Variants in TMEM232 observed in about 807,000 individuals in gnomAD.
TMEM232 encodes transmembrane protein 232.
In TMEM232, 80 loss-of-function variants were observed where a neutral mutation model predicts 78.8. The observed-to-expected ratio is 1.01, with a 90% CI of 0.85 to 1.22. The LOEUF (loss-of-function observed/expected upper bound fraction) is 1.22. Among genes scored for constraint, TMEM232 ranks in the 50% most tolerant of loss-of-function variants. The pLI is 0.00. For missense variants in TMEM232, 881 were observed against 742.2 expected, an observed-to-expected ratio of 1.19 and a Z score of -2.17; for synonymous variants, 297 against 254.3, an observed-to-expected ratio of 1.17 and a Z score of -1.60.
chr5:110,457,601 C>T (rs887986501), intron 12 of TMEM232, among the ~76,000 whole-genome samples: 1 of 151,818 alleles, frequency 6.6e-6, no homozygotes, highest in Non-Finnish European at 1.5e-5. Context: ...AATCAAATGT[C>T]CTTGAATTGA....
At chr5:110,616,286 T>C (rs368971128) in intron 8 of TMEM232, among the ~76,000 whole-genome samples, 2 of 152,066 alleles carry the variant, frequency 1.3e-5, no homozygotes, top group South Asian at 4.1e-4. Context: ...TCAATTCATT[T>C]TTGACAGTTA....
intron 2 of TMEM232, among the ~76,000 whole-genome samples, chr5:110,399,448 T>C (rs185418662): frequency 1.3e-5 from 2 of 152,250 alleles, no homozygotes; most frequent in Admixed American, 6.5e-5. Context: ...CTTAATCCCT[T>C]TGGGAGACAA....
chr5:110,458,005 A>G (rs1761079179), intron 12 of TMEM232, among the ~76,000 whole-genome samples: 2 of 152,070 alleles, frequency 1.3e-5, no homozygotes, highest in South Asian at 4.1e-4. Flanking sequence ...TTTTTCATCA[A>G]TTATATATTT....
chr5:110,704,187 T>C (rs578045905), intron 1 of TMEM232, among the ~76,000 whole-genome samples: 96 of 152,268 alleles, frequency 6.3e-4, no homozygotes, highest in Non-Finnish European at 1.2e-3. Context: ...GGACTATGTT[T>C]ATTGGAAGAG....
chr5:110,425,410 A>G (rs557760371), intron 12 of TMEM232, among the ~76,000 whole-genome samples: 6 of 152,068 alleles, frequency 3.9e-5, no homozygotes, highest in Admixed American at 1.3e-4. Context: ...TTATGAAGAA[A>G]TTGTGTGAAT....
At position 110,606,175 on chromosome 5, in the gene TMEM232, C is replaced by T. The variant is rs999395040; in HGVS notation, c.1015G>A (p.Val339Ile). The T allele has an allele frequency of 4.6e-6, 7 of 1,538,212 alleles. No individual in the cohort carries two copies. The African/African-American group carries it at 8.2e-5, about 18-fold the overall frequency. Residue 339 changes from valine to isoleucine, a missense_variant, in exon 9 of 14, where the codon GTT (valine) becomes ATT (isoleucine). Val to Ile is a conservative substitution (Grantham distance 29). Coordinates refer to ENST00000455884, the MANE Select transcript of TMEM232 (RefSeq NM_001039763.4). ...ATTAGCAATGTTACCTGATTTTGAA[C>T]AGACATAATGCTTGAAACAAAATCT... ...VRDFVSSIMS[V>I]QNQEESCKVD...
intron 12 of TMEM232, among the ~76,000 whole-genome samples, chr5:110,438,652 C>A (rs933913101): frequency 3.9e-5 from 6 of 151,972 alleles, no homozygotes; most frequent in African/African-American, 9.7e-5. Flanking sequence ...GAAACCAAGA[C>A]CAGAAGTCAG....
chr5:110,605,664 C>A (rs369573591), intron 9 of TMEM232, among the ~76,000 whole-genome samples: 2 of 152,188 alleles, frequency 1.3e-5, no homozygotes, highest in African/African-American at 4.8e-5. Context: ...ATATACAACT[C>A]CATTCTAGTG....
chr5:110,459,104 A>G (rs1156419040), intron 12 of TMEM232, among the ~76,000 whole-genome samples: 5 of 152,158 alleles, frequency 3.3e-5, no homozygotes. Context: ...TTTCTTTACC[A>G]GCCTTGTTAT....
chr5:110,578,395 A>G (rs879753291), intron 10 of TMEM232, among the ~76,000 whole-genome samples: 19 of 152,050 alleles, frequency 1.2e-4, no homozygotes, highest in African/African-American at 4.6e-4. Flanking sequence ...ACATTATGTT[A>G]CATGCAAAAC....
intron 1 of TMEM232, among the ~76,000 whole-genome samples, chr5:110,669,994 A>C (rs1256979347): frequency 6.6e-6 from 1 of 152,178 alleles, no homozygotes; most frequent in Non-Finnish European, 1.5e-5. Flanking sequence ...AAATAATAAG[A>C]GCTATCTATG....
chr5:110,495,007 A>G (rs1228651654), intron 12 of TMEM232, among the ~76,000 whole-genome samples: 4 of 151,742 alleles, frequency 2.6e-5, no homozygotes, highest in Admixed American at 2.0e-4. Context: ...TGAAAGCAGT[A>G]GGAGAATGGA....
Position 110,642,323 on chromosome 5 carries a change from T to C in TMEM232, c.174A>G (p.Thr58=), listed in dbSNP as rs944828170. Residue 58 remains threonine, a synonymous_variant, in exon 3 of 14, where the codon ACA becomes ACG. Transcript: ENST00000455884. ...TKEFILRFNQ[T]QNSKEKEELL... ...ATTCTTCCTTCTCTTTGGAATTTTG[T>C]GTTTGATTGAATCTCAAGATGAATT... 2 of 1,540,114 alleles carry C rather than the reference T, an allele frequency of 1.3e-6. No individual in the cohort carries two copies. Among genetic ancestry groups the C allele is most frequent in the African/African-American group, 2.8e-5 (2 of 72,358 alleles).
At chr5:110,440,693 A>T (rs1273030842) in intron 12 of TMEM232, among the ~76,000 whole-genome samples, 1 of 152,158 alleles carries the variant, frequency 6.6e-6, no homozygotes, top group Non-Finnish European at 1.5e-5. Flanking sequence ...TATTTGAAGA[A>T]CTAGGCATAT....
intron 12 of TMEM232, among the ~76,000 whole-genome samples, chr5:110,508,829 C>G (rs1272139714): frequency 5.5e-5 from 8 of 145,770 alleles, no homozygotes; most frequent in Non-Finnish European, 1.0e-4. Context: ...CACAATGCCA[C>G]TGCTAATTAT....
intron 2 of TMEM232, among the ~76,000 whole-genome samples, chr5:110,665,291 T>G (rs913324412): frequency 6.6e-6 from 1 of 152,286 alleles, no homozygotes; most frequent in East Asian, 1.9e-4. Context: ...TTTTAAAACG[T>G]GTTCCATGAG....
intron 1 of TMEM232, among the ~76,000 whole-genome samples, chr5:110,724,905 A>C (rs1798002706): frequency 6.6e-6 from 1 of 152,194 alleles, no homozygotes; most frequent in Admixed American, 6.5e-5. Flanking sequence ...TAGTAATCCT[A>C]AAGTCGATAT....
At chr5:110,641,654 G>A (rs1400969598) in intron 3 of TMEM232, among the ~76,000 whole-genome samples, 1 of 152,040 alleles carries the variant, frequency 6.6e-6, no homozygotes, top group Non-Finnish European at 1.5e-5. Flanking sequence ...CCACAAAAAA[G>A]GTGGCTTAAT....
chr5:110,572,840 T>C (rs1330269744), intron 10 of TMEM232, among the ~76,000 whole-genome samples: 1 of 152,092 alleles, frequency 6.6e-6, no homozygotes, highest in Non-Finnish European at 1.5e-5. Flanking sequence ...ACAGATGGTA[T>C]GTGTTACAAC....
Sources: allele counts gnomAD v4.1 joint callset (sites outside exome capture counted in the v4.1 genomes callset), GRCh38; gene constraint gnomAD v4.1.1; transcripts MANE v1.5; gene names NCBI Gene and HGNC (gene_info 2026-07-23, HGNC 2026-07-21).